The following NRCAM variants were observed in gnomAD, a reference collection of about 807,000 sequenced individuals.
The protein encoded by NRCAM is NgCAM-related cell adhesion molecule.
NRCAM carries 83 observed loss-of-function variants against 156.5 expected under a neutral mutation model. The ratio of observed to expected loss-of-function variants is 0.53; its 90% CI spans 0.44 to 0.64. The LOEUF is 0.64. NRCAM is among the 30% of genes least tolerant of loss of function. The pLI is 0.00. For synonymous variants in NRCAM, 538 were observed against 563.9 expected, an observed-to-expected ratio of 0.95 and a Z score of 0.65; for missense variants, 1,417 against 1,597.3, an observed-to-expected ratio of 0.89 and a Z score of 1.92.
chr7:108,212,489 C>T (rs991736098), intron 11 of NRCAM, among the ~76,000 whole-genome samples: 1 of 151,866 alleles, frequency 6.6e-6, no homozygotes, highest in Non-Finnish European at 1.5e-5. Context: ...GTAAGGAAAT[C>T]CAAAAAACAA....
At position 108,159,532 on chromosome 7, in the gene NRCAM, TTTTC is replaced by T; in HGVS notation, c.3604_3607del (p.Glu1202ArgfsTer13). On this transcript the variant is annotated frameshift_variant, in exon 32 of 33. Coordinates refer to ENST00000379028, the MANE Select transcript of NRCAM (RefSeq NM_001037132.4). LOFTEE classifies it high-confidence loss of function. ...TTCAGGGTCAGCATGGGCATCTTCC[TTTTC>T]TTTAACTAAAAAATGCCAAAATGGT... 6.2e-7 allele frequency: 1 copy of T among 1,612,990 alleles called. No individual in the cohort carries two copies. The highest frequency in any genetic ancestry group is 8.5e-7 in the Non-Finnish European group (1 of 1,179,180).
intron 19 of NRCAM, among the ~76,000 whole-genome samples, chr7:108,190,049 A>T (rs1310455909): frequency 1.3e-5 from 2 of 152,258 alleles, no homozygotes; most frequent in African/African-American, 4.8e-5. Context: ...TCTCATAAAC[A>T]TGAATGGGCA....
chr7:108,390,947 A>T (rs977490602), intron 2 of NRCAM, among the ~76,000 whole-genome samples: 1 of 152,178 alleles, frequency 6.6e-6, no homozygotes, highest in African/African-American at 2.4e-5. Context: ...ACAGTTTGTT[A>T]TAGTTTCTGT....
At chr7:108,385,931 G>C (rs1473056897) in intron 2 of NRCAM, among the ~76,000 whole-genome samples, 1 of 151,572 alleles carries the variant, frequency 6.6e-6, no homozygotes, top group East Asian at 1.9e-4. Flanking sequence ...GGGAGGGAGA[G>C]AGGGAAAGAG....
At chr7:108,246,833 C>G (rs1388269239) in intron 3 of NRCAM, among the ~76,000 whole-genome samples, 2 of 152,206 alleles carry the variant, frequency 1.3e-5, no homozygotes, top group African/African-American at 4.8e-5. Flanking sequence ...TTGGTGGCCC[C>G]AGGAAGCACC....
At chr7:108,179,051 A>T (rs2062127034) in intron 25 of NRCAM, among the ~76,000 whole-genome samples, 1 of 152,140 alleles carries the variant, frequency 6.6e-6, no homozygotes, top group South Asian at 2.1e-4. Context: ...CCTGGCACAT[A>T]GTTCTAGGCT....
chr7:108,183,225 T>C (rs35374405), intron 22 of NRCAM, among the ~76,000 whole-genome samples: 3,424 of 152,316 alleles, frequency 0.022, 51 homozygotes, highest in South Asian at 0.056. Context: ...TTCGGTCACA[T>C]AGAATCCTTT....
intron 1 of NRCAM, among the ~76,000 whole-genome samples, chr7:108,429,896 T>C (rs1025970246): frequency 2.6e-5 from 4 of 152,126 alleles, no homozygotes; most frequent in African/African-American, 9.7e-5. Flanking sequence ...GAAATTTAAA[T>C]AGGGTCAGCA....
chr7:108,270,856 AGG>A (rs2097316847), intron 3 of NRCAM, among the ~76,000 whole-genome samples: 1 of 152,222 alleles, frequency 6.6e-6, no homozygotes, highest in Non-Finnish European at 1.5e-5. Flanking sequence ...CATGCTTGCC[AGG>A]GGCTGGAAGA....
At chr7:108,454,186 G>A (rs1490716023) in intron 1 of NRCAM, among the ~76,000 whole-genome samples, 2 of 152,112 alleles carry the variant, frequency 1.3e-5, no homozygotes, top group Non-Finnish European at 2.9e-5. Flanking sequence ...GGGAATAAAA[G>A]GCTATTCCAC....
At chr7:108,333,369 C>T (rs1401021172) in intron 2 of NRCAM, among the ~76,000 whole-genome samples, 1 of 152,106 alleles carries the variant, frequency 6.6e-6, no homozygotes, top group Non-Finnish European at 1.5e-5. Context: ...TTTTAAATAA[C>T]TTCACTGCTG....
At chr7:108,260,364 G>A (rs553439309) in intron 3 of NRCAM, among the ~76,000 whole-genome samples, 1 of 152,158 alleles carries the variant, frequency 6.6e-6, no homozygotes, top group East Asian at 1.9e-4. Context: ...AGTATTTATT[G>A]AAAAAAATGA....
chr7:108,228,699 C>G (rs1000542394), intron 8 of NRCAM, among the ~76,000 whole-genome samples: 9 of 152,096 alleles, frequency 5.9e-5, no homozygotes, highest in Admixed American at 4.6e-4. Context: ...TGATATGTCT[C>G]TTTATTAAGC....
intron 2 of NRCAM, among the ~76,000 whole-genome samples, chr7:108,345,600 A>G (rs1358045187): frequency 1.3e-5 from 2 of 152,180 alleles, no homozygotes; most frequent in Non-Finnish European, 2.9e-5. Flanking sequence ...TGGAGTCTTC[A>G]TGATGGGATT....
chr7:108,277,318 C>T (rs1197685656), intron 3 of NRCAM, among the ~76,000 whole-genome samples: 2 of 152,006 alleles, frequency 1.3e-5, no homozygotes, highest in Admixed American at 1.3e-4. Context: ...TGGATAATAC[C>T]CTGAAAAGTG....
At chr7:108,320,436 GACAAAACAAA>G (rs201917496) in intron 2 of NRCAM, among the ~76,000 whole-genome samples, 31 of 151,508 alleles carry the variant, frequency 2.0e-4, no homozygotes, top group African/African-American at 5.3e-4. Context: ...AACAGAGCTA[GACAAAACAAA>G]ACAAAACAAA....
rs532722070 is a variant in NRCAM, at chr7:108,394,018, G to A, written c.-174+5418C>T. Among the ~76,000 whole-genome samples the A allele has an allele frequency of 1.8e-4, 27 of 152,316 alleles. No homozygotes were observed. The South Asian group carries it at 2.9e-3, about 16-fold the overall frequency. On this transcript the variant is annotated intron_variant, in intron 2 of 32. Transcript: ENST00000379028. ...ACAAGGGAGTCAGAGAAGTTGGGCC[G>A]TGGTGCTGTCACAACAAAAGCCTCA...
chr7:108,196,120 C>T (rs1003871914), intron 14 of NRCAM, among the ~76,000 whole-genome samples: 3 of 152,180 alleles, frequency 2.0e-5, no homozygotes, highest in Non-Finnish European at 4.4e-5. Flanking sequence ...TACTGTGAGT[C>T]CACTGCAGTC....
intron 3 of NRCAM, among the ~76,000 whole-genome samples, chr7:108,250,425 CAAA>C (rs34274206): frequency 3.0e-4 from 20 of 67,398 alleles, no homozygotes; most frequent in East Asian, 6.0e-4. Context: ...CATCTTACCT[CAAA>C]AAAAAAAAAA....
Sources: allele counts gnomAD v4.1 joint callset (sites outside exome capture counted in the v4.1 genomes callset), GRCh38; gene constraint gnomAD v4.1.1; transcripts MANE v1.5; gene names NCBI Gene and HGNC (gene_info 2026-07-23, HGNC 2026-07-21).